The following NUP93 variants were observed in gnomAD, a reference collection of about 807,000 sequenced individuals.
The protein encoded by NUP93 is nuclear pore complex protein Nup93.
Under a neutral mutation model 107.8 loss-of-function variants are expected in NUP93, and 55 were observed. The ratio of observed to expected loss-of-function variants is 0.51; its 90% CI spans 0.41 to 0.64. The LOEUF is 0.64. NUP93 is among the 30% of genes least tolerant of loss of function. The pLI is 0.00. For synonymous variants in NUP93, 390 were observed against 397.5 expected (o/e 0.98, Z 0.22); for missense variants, 937 against 1,044.7 (o/e 0.90, Z 1.42).
At chr16:56,753,997 A>G (rs1369693018) in intron 2 of NUP93, among the ~76,000 whole-genome samples, 1 of 151,996 alleles carries the variant, frequency 6.6e-6, no homozygotes, top group African/African-American at 2.4e-5. Context: ...AATGAAGAAA[A>G]GAGGTTTAAT....
At chr16:56,743,397 G>A (rs1961769704) in intron 1 of NUP93, among the ~76,000 whole-genome samples, 2 of 152,310 alleles carry the variant, frequency 1.3e-5, no homozygotes, top group South Asian at 4.1e-4. Flanking sequence ...TTTAGCTCTA[G>A]GTAGGAGCCC....
At chr16:56,794,567 TGTAA>T (rs1962846857) in intron 3 of NUP93, among the ~76,000 whole-genome samples, 1 of 141,844 alleles carries the variant, frequency 7.1e-6, no homozygotes, top group Non-Finnish European at 1.5e-5. Flanking sequence ...GCATTTGTGT[TGTAA>T]GTGTGTGTGT....
At chr16:56,758,269 G>A (rs1437767640) in intron 2 of NUP93, among the ~76,000 whole-genome samples, 1 of 152,138 alleles carries the variant, frequency 6.6e-6, no homozygotes, top group African/African-American at 2.4e-5. Context: ...CTAGTCTATG[G>A]TAGTAGTATC....
chr16:56,832,664 A>G (rs1963819538), intron 12 of NUP93, among the ~76,000 whole-genome samples: 1 of 152,210 alleles, frequency 6.6e-6, no homozygotes, highest in South Asian at 2.1e-4. Flanking sequence ...GGGAGAGAAA[A>G]AGAAGACTTA....
Position 56,847,747 on chromosome 16 carries a change from G to C in NUP93, c.*3138G>C, listed in dbSNP as rs1242807334. ...GCCTTCCTTTTTCACTCACGAGCTG[G>C]GCGGGCTCATCAAAGAGCAGGAAGT... is the stretch of plus-strand genomic sequence containing the variant. On this transcript the variant is annotated 3_prime_UTR_variant, in exon 22 of 22. Coordinates refer to ENST00000308159, the MANE Select transcript of NUP93 (RefSeq NM_014669.5). The C allele has an allele frequency of 6.6e-6, 1 of 152,174 alleles. No individual in the cohort carries two copies. Among genetic ancestry groups the C allele is most frequent in the African/African-American group, 2.4e-5 (1 of 41,444 alleles). 9.4% of individuals were successfully genotyped at this position (152,174 alleles called of 1,614,324 possible). A position where few individuals can be genotyped will look rare whatever the true frequency, so the allele number is the denominator to read the frequency against.
Position 56,805,652 on chromosome 16 carries a change from TA to T in NUP93, c.489+23del, listed in dbSNP as rs1320258591. The T allele has an allele frequency of 6.2e-7, 1 of 1,607,474 alleles. No individual in the cohort carries two copies. The highest frequency in any genetic ancestry group is 2.2e-5 in the East Asian group (1 of 44,662). On this transcript the variant is annotated intron_variant, in intron 5 of 21. Coordinates refer to ENST00000308159, the MANE Select transcript of NUP93 (RefSeq NM_014669.5). The stretch of plus-strand genomic sequence containing the variant: ...AGCGAGGTAGCTTGAATGCAAAAGA[TA>T]AACTACTGTTAATAAAAACATGAAG...
At chr16:56,830,025 G>C (rs981721372) in intron 9 of NUP93, among the ~76,000 whole-genome samples, 2 of 152,236 alleles carry the variant, frequency 1.3e-5, no homozygotes, top group Non-Finnish European at 2.9e-5. Flanking sequence ...GAACGGAGCT[G>C]TCTCTCAGAT....
At chr16:56,749,630 A>G (rs1327458138) in intron 2 of NUP93, among the ~76,000 whole-genome samples, 2 of 152,246 alleles carry the variant, frequency 1.3e-5, no homozygotes, top group East Asian at 3.8e-4. Flanking sequence ...TGCTCTAAGC[A>G]TTTAACAGAT....
At chr16:56,832,422 C>G (rs1236012217) in intron 12 of NUP93, 34 bp downstream of exon 12, 2 of 1,537,098 alleles carry the variant, frequency 1.3e-6, no homozygotes, top group African/African-American at 2.7e-5. Context: ...TTTCCCTTCT[C>G]TTGTCCACTT....
In NUP93 at chr16:56,839,961, T is replaced by C. The variant is rs139874130; in HGVS notation, c.2220+357T>C. ...CTCTGATCATCTTTAAGTAGTTCCA[T>C]TGGGTACGTGAAACACATCATGATT... On this transcript the variant is annotated intron_variant, in intron 20 of 21. Coordinates refer to ENST00000308159, the MANE Select transcript of NUP93 (RefSeq NM_014669.5). 97 of 223,626 alleles carry C rather than the reference T, an allele frequency of 4.3e-4. 1 individual carries two copies. The East Asian group carries it at 9.9e-3, about 23-fold the overall frequency. 13.9% of individuals were successfully genotyped at this position (223,626 alleles called of 1,614,324 possible). A position where few individuals can be genotyped will look rare whatever the true frequency, so the allele number is the denominator to read the frequency against.
chr16:56,836,731 ACTTCCTT>A lies in NUP93; in HGVS notation c.1899+18_1899+24del, dbSNP rs1963920611. ...GACCTTGCCAAGGTAAAGTGTGCCC[ACTTCCTT>A]CTTTTGCACTTCACAGGTCTGCTGG... On this transcript the variant is annotated intron_variant, in intron 17 of 21. Coordinates refer to ENST00000308159, the MANE Select transcript of NUP93 (RefSeq NM_014669.5). The A allele has an allele frequency of 1.9e-6, 3 of 1,545,130 alleles. No individual in the cohort carries two copies. The Admixed American group carries it at 5.1e-5, about 26-fold the overall frequency.
chr16:56,798,334 A>G (rs1962944292), intron 3 of NUP93, 142 bp from the exon 4 acceptor site: 2 of 653,652 alleles, frequency 3.1e-6, no homozygotes, highest in South Asian at 1.9e-5. Flanking sequence ...AAAGTCATCT[A>G]TGTTGATGTT....
In NUP93 at chr16:56,803,467, A is replaced by G. The variant is rs532727954; in HGVS notation, c.361-2037A>G. 3.3e-5 allele frequency among the ~76,000 whole-genome samples: 5 copies of G among 152,164 alleles called. No homozygotes were observed. The East Asian group carries it at 9.7e-4, about 29-fold the overall frequency. On this transcript the variant is annotated intron_variant, in intron 4 of 21. Transcript: ENST00000308159. ...GCAACAGAAAAAAATAATAATAATA[A>G]TAATAAAACACTGGGAGAAACTTGT...
chr16:56,775,106 G>A (rs1962392411), intron 3 of NUP93, among the ~76,000 whole-genome samples: 1 of 151,954 alleles, frequency 6.6e-6, no homozygotes, highest in African/African-American at 2.4e-5. Flanking sequence ...TCACCATGTT[G>A]CCCAGGTTGG....
chr16:56,822,992 A>G (rs995956877), intron 7 of NUP93, among the ~76,000 whole-genome samples: 2 of 152,178 alleles, frequency 1.3e-5, no homozygotes, highest in Admixed American at 6.5e-5. Context: ...AATCAGTGCT[A>G]TCCTGCAAGG....
chr16:56,759,708 G>T (rs1962089019), intron 3 of NUP93, among the ~76,000 whole-genome samples: 1 of 150,280 alleles, frequency 6.7e-6, no homozygotes, highest in African/African-American at 2.5e-5. Context: ...TTAAGTTTTA[G>T]CCCCCCTCCC....
intron 13 of NUP93, 100 bp downstream of exon 13, chr16:56,833,506 G>A: frequency 1.1e-6 from 1 of 945,658 alleles, no homozygotes; most frequent in Non-Finnish European, 1.5e-6. Context: ...TTTGAGCAAA[G>A]GGTACCAGTC....
chr16:56,733,681 G>T (rs1425514613), intron 1 of NUP93, among the ~76,000 whole-genome samples: 1 of 152,086 alleles, frequency 6.6e-6, no homozygotes, highest in Non-Finnish European at 1.5e-5. Context: ...TACTGGCTTG[G>T]GAAAAGAGTT....
rs9923640 is a variant in NUP93 at position 56,836,233 on chromosome 16, A to G, written c.1783-368A>G. ...AGAAAGCAAATCCAAAATTTTTCAGATATTTTTTCTAAGCCTCCTGATTTT... is the reference window on the plus strand; with the variant it reads ...AGAAAGCAAATCCAAAATTTTTCAGGTATTTTTTCTAAGCCTCCTGATTTT... On this transcript the variant is annotated intron_variant, in intron 16 of 21. Transcript: ENST00000308159. 4.4e-3 allele frequency among the ~76,000 whole-genome samples: 672 copies of G among 152,030 alleles called. 2 individuals carry two copies. The highest frequency in any genetic ancestry group is 0.013 in the African/African-American group (539 of 41,476).
Sources: gnomAD v4.1 joint callset for allele counts (sites outside exome capture counted in the v4.1 genomes callset) on GRCh38, gnomAD v4.1.1 for gene constraint, MANE v1.5 for transcripts, NCBI Gene and HGNC (gene_info 2026-07-23, HGNC 2026-07-21) for gene names.